The following SNTG1 variants were observed in gnomAD, a reference collection of about 807,000 sequenced individuals.
The protein encoded by SNTG1 is gamma-1-syntrophin.
SNTG1 carries 39 observed loss-of-function variants against 74.7 expected under a neutral mutation model. That is an observed-to-expected ratio of 0.52 (90% confidence interval 0.40 to 0.68). The LOEUF is 0.68. Among genes scored for constraint, SNTG1 ranks in the 30% least tolerant of loss-of-function variants. The pLI is 0.00. For missense variants in SNTG1, 685 were observed against 609.5 expected (o/e 1.12, Z -1.30); for synonymous variants, 254 against 217.1 (o/e 1.17, Z -1.49).
chr8:50,029,861 C>A (rs1053857415), intron 1 of SNTG1, among the ~76,000 whole-genome samples: 5 of 151,974 alleles, frequency 3.3e-5, no homozygotes, highest in East Asian at 1.9e-4. Flanking sequence ...TGTGTATATA[C>A]CCAGCAGTGG....
intron 2 of SNTG1, among the ~76,000 whole-genome samples, chr8:50,179,568 A>C (rs1002106841): frequency 1.3e-5 from 2 of 152,252 alleles, no homozygotes; most frequent in Non-Finnish European, 2.9e-5. Flanking sequence ...AAAATACATA[A>C]GCAGTTCCCA....
intron 2 of SNTG1, among the ~76,000 whole-genome samples, chr8:50,173,980 C>T (rs987353638): frequency 3.9e-5 from 6 of 152,086 alleles, no homozygotes; most frequent in Non-Finnish European, 7.4e-5. Flanking sequence ...TAATGCTCTC[C>T]GTCCCCTTGG....
chr8:50,740,465 C>A (rs1221911990), intron 17 of SNTG1, among the ~76,000 whole-genome samples: 1 of 149,122 alleles, frequency 6.7e-6, no homozygotes, highest in African/African-American at 2.5e-5. Flanking sequence ...CCATTAGAAA[C>A]AAAACAAAAC....
At chr8:50,669,940 C>A (rs1446894621) in intron 15 of SNTG1, among the ~76,000 whole-genome samples, 2 of 152,108 alleles carry the variant, frequency 1.3e-5, no homozygotes, top group African/African-American at 4.8e-5. Flanking sequence ...AAGACAAAAA[C>A]CACATGATTA....
chr8:50,274,493 TA>T (rs775723276), intron 2 of SNTG1, among the ~76,000 whole-genome samples: 16 of 151,478 alleles, frequency 1.1e-4, no homozygotes, highest in East Asian at 5.8e-4. Context: ...TGTGGAAAAA[TA>T]AAAAAAAAGT....
In SNTG1 at chr8:49,954,742, G is replaced by T. The variant is rs371653923; in HGVS notation, c.-103+42511G>T. Reference sequence around the variant, plus strand: ...AGAGTTTTTCTTTTCCAATGTTAATGTTTCCTATTTCTTTTTTAAAGCATA... The same window carrying T: ...AGAGTTTTTCTTTTCCAATGTTAATTTTTCCTATTTCTTTTTTAAAGCATA... On this transcript the variant is annotated intron_variant, in intron 1 of 18. Transcript: ENST00000642720. Among the ~76,000 whole-genome samples, 29 of 151,878 alleles carry T rather than the reference G, an allele frequency of 1.9e-4. 1 individual carries two copies. Among genetic ancestry groups the T allele is most frequent in the Admixed American group, 1.2e-3 (18 of 15,258 alleles).
intron 1 of SNTG1, among the ~76,000 whole-genome samples, chr8:50,140,014 A>G (rs557535027): frequency 8.5e-5 from 13 of 152,344 alleles, no homozygotes; most frequent in African/African-American, 2.9e-4. Context: ...TGCAAAGAAA[A>G]CAATGCAAAA....
At chr8:50,699,051 G>C (rs11785968) in intron 15 of SNTG1, among the ~76,000 whole-genome samples, 1 of 151,980 alleles carries the variant, frequency 6.6e-6, no homozygotes, top group Non-Finnish European at 1.5e-5. Context: ...AAAAGTTACT[G>C]AGGTGGATCT....
intron 2 of SNTG1, among the ~76,000 whole-genome samples, chr8:50,242,912 C>T (rs1195676205): frequency 6.6e-6 from 1 of 151,740 alleles, no homozygotes; most frequent in Non-Finnish European, 1.5e-5. Context: ...TTTAGAATAG[C>T]ATTGCATAGA....
intron 17 of SNTG1, among the ~76,000 whole-genome samples, chr8:50,739,501 A>G (rs1445671893): frequency 1.3e-5 from 2 of 151,994 alleles, no homozygotes. Context: ...GGAAGACACT[A>G]TGGCAATTCC....
At chr8:50,787,721 T>C (rs907225905) in intron 18 of SNTG1, among the ~76,000 whole-genome samples, 1 of 152,040 alleles carries the variant, frequency 6.6e-6, no homozygotes, top group Non-Finnish European at 1.5e-5. Flanking sequence ...GAAAATAGTG[T>C]ATTAAGTGAA....
chr8:50,277,580 C>A (rs1359516980), intron 2 of SNTG1, among the ~76,000 whole-genome samples: 1 of 151,990 alleles, frequency 6.6e-6, no homozygotes, highest in African/African-American at 2.4e-5. Context: ...GAATCCAAAG[C>A]AACATTAAAC....
chr8:50,659,279 T>A (rs1017292959), intron 15 of SNTG1, among the ~76,000 whole-genome samples: 3 of 152,262 alleles, frequency 2.0e-5, no homozygotes, highest in Admixed American at 6.5e-5. Context: ...TTTTAAAGAA[T>A]TAAAATTGGA....
chr8:50,605,028 T>C (rs907579996), intron 13 of SNTG1, among the ~76,000 whole-genome samples: 5 of 152,160 alleles, frequency 3.3e-5, no homozygotes, highest in Non-Finnish European at 7.4e-5. Context: ...AAGGTGTATC[T>C]AGAAATGTCT....
chr8:50,394,334 T>A (rs1258308554), intron 3 of SNTG1, 69 bp downstream of exon 3: 1 of 1,503,398 alleles, frequency 6.7e-7, no homozygotes, highest in East Asian at 2.4e-5. Flanking sequence ...TTGGCTCCAA[T>A]TTATATAGGG....
In SNTG1 at chr8:50,656,793, T is replaced by C. The variant is rs531206844; in HGVS notation, c.850-116T>C. 3.7e-4 allele frequency: 259 copies of C among 691,660 alleles called. No homozygotes were observed. In the East Asian group the frequency reaches 4.1e-3, roughly 11 times the overall value. The allele number at this position is 691,660 out of a possible 1,614,324, so 42.8% of individuals were successfully genotyped here. A position where few individuals can be genotyped will look rare whatever the true frequency, so the allele number is the denominator to read the frequency against. ...AATTTGATAATTTTATGTGAGTTTT[T>C]AATACTACATGAAAAATACCTAAAA... On this transcript the variant is annotated intron_variant, in intron 13 of 18. Transcript: ENST00000642720.
chr8:50,090,307 G>C (rs1007984376), intron 1 of SNTG1, among the ~76,000 whole-genome samples: 1 of 152,158 alleles, frequency 6.6e-6, no homozygotes, highest in Non-Finnish European at 1.5e-5. Flanking sequence ...GGTAAGGATA[G>C]AGCTGGGTCT....
At chr8:50,460,017 A>G (rs2093545469) in intron 8 of SNTG1, among the ~76,000 whole-genome samples, 1 of 152,188 alleles carries the variant, frequency 6.6e-6, no homozygotes, top group Non-Finnish European at 1.5e-5. Flanking sequence ...TTTATTTTGG[A>G]TATATACCCA....
intron 8 of SNTG1, among the ~76,000 whole-genome samples, chr8:50,474,976 G>A (rs190959622): frequency 2.2e-4 from 33 of 149,228 alleles, no homozygotes; most frequent in South Asian, 1.7e-3. Context: ...CTATCGCAAG[G>A]ACAAAGAACC....
Sources: gnomAD v4.1 joint callset for allele counts (sites outside exome capture counted in the v4.1 genomes callset) on GRCh38, gnomAD v4.1.1 for gene constraint, MANE v1.5 for transcripts, NCBI Gene and HGNC (gene_info 2026-07-23, HGNC 2026-07-21) for gene names.